Variants in MBD5 observed in about 807,000 individuals in gnomAD.
MBD5 encodes the protein methyl-CpG binding domain protein 5.
A neutral mutation model predicts 117.3 loss-of-function variants in MBD5; 13 were observed. That is an observed-to-expected ratio of 0.11 (90% CI 0.07 to 0.18). The LOEUF (loss-of-function observed/expected upper bound fraction) is 0.18, where lower values mean the gene tolerates loss of function less well. Among genes scored for constraint, MBD5 ranks in the 10% least tolerant of loss-of-function variants. MBD5 has a pLI of 1.00. For synonymous variants in MBD5, 727 were observed against 766.4 expected, an observed-to-expected ratio of 0.95 and a Z score of 0.85; for missense variants, 1,879 against 2,093.8, an observed-to-expected ratio of 0.90 and a Z score of 2.00.
intron 1 of MBD5, among the ~76,000 whole-genome samples, chr2:148,063,266 T>C (rs1000792955): frequency 8.5e-5 from 13 of 152,166 alleles, no homozygotes; most frequent in African/African-American, 3.1e-4. Context: ...TTCAGGATCT[T>C]TACTCATTTA....
Position 148,176,027 on chromosome 2 carries a change from G to T in MBD5, c.-924-2673G>T, listed in dbSNP as rs547888577. Among the ~76,000 whole-genome samples the T allele has an allele frequency of 6.6e-5, 10 of 152,212 alleles. No homozygotes were observed. The South Asian group carries it at 2.1e-3, about 32-fold the overall frequency. The stretch of plus-strand genomic sequence containing the variant: ...AAGATTAATATGATTGAATTCTTTT[G>T]TGATGTAGACTATTTGTGATTTACA... On this transcript the variant is annotated intron_variant, in intron 1 of 13. Coordinates refer to ENST00000642680, the MANE Select transcript of MBD5 (RefSeq NM_001378120.1).
chr2:148,314,803 TA>T (rs1224812043), intron 3 of MBD5, among the ~76,000 whole-genome samples: 8 of 152,314 alleles, frequency 5.3e-5, no homozygotes, highest in African/African-American at 1.9e-4. Context: ...CAACATAGCA[TA>T]ACTCTAAAGT....
intron 6 of MBD5, among the ~76,000 whole-genome samples, chr2:148,462,925 C>A (rs1185486653): frequency 6.6e-6 from 1 of 152,084 alleles, no homozygotes; most frequent in Admixed American, 6.6e-5. Context: ...ATTAAAACCA[C>A]CTTTCTACCT....
At chr2:148,268,379 C>T (rs1381984815) in intron 3 of MBD5, among the ~76,000 whole-genome samples, 1 of 151,772 alleles carries the variant, frequency 6.6e-6, no homozygotes, top group Non-Finnish European at 1.5e-5. Context: ...ACAGCATCCC[C>T]CTCTCTTTTC....
At chr2:148,204,268 G>GA (rs140952502) in intron 2 of MBD5, among the ~76,000 whole-genome samples, 1,849 of 152,092 alleles carry the variant, frequency 0.012, 32 homozygotes, top group African/African-American at 0.042. Flanking sequence ...AGACATCATG[G>GA]AAAGCACCTT....
intron 3 of MBD5, among the ~76,000 whole-genome samples, chr2:148,294,501 G>GTTTTTTTTTTTTTGTT (rs761709621): frequency 0.096 from 10,798 of 112,338 alleles, 1,177 homozygotes; most frequent in Non-Finnish European, 0.13. Flanking sequence ...TGGGATTACA[G>GTTTTTTTTTTTTTGTT]TTTTTTTTTT....
chr2:148,211,365 T>A (rs1304013402), intron 2 of MBD5, among the ~76,000 whole-genome samples: 1 of 152,196 alleles, frequency 6.6e-6, no homozygotes, highest in South Asian at 2.1e-4. Context: ...TTTATAAACA[T>A]TCCTAACTTC....
intron 4 of MBD5, among the ~76,000 whole-genome samples, chr2:148,441,299 A>G (rs541827285): frequency 6.6e-6 from 1 of 151,552 alleles, no homozygotes; most frequent in Non-Finnish European, 1.5e-5. Context: ...TGTTCCCCTT[A>G]CTGTGTCCAT....
intron 3 of MBD5, chr2:148,264,867 C>T (rs1700819045): frequency 6.6e-6 from 1 of 152,170 alleles, no homozygotes; most frequent in South Asian, 2.1e-4. Context: ...ACCTCTGCCT[C>T]ACTCTCACAA....
intron 4 of MBD5, among the ~76,000 whole-genome samples, chr2:148,350,493 G>A (rs1703224462): frequency 6.6e-6 from 1 of 151,944 alleles, no homozygotes; most frequent in African/African-American, 2.4e-5. Context: ...CAGTGATAGT[G>A]GGCAATAGTT....
rs988838126 is a variant in MBD5, at chr2:148,485,752, A to G, written c.3555A>G (p.Ser1185=). The change falls in exon 10 of 14, where the codon TCA becomes TCG. Residue 1185 remains serine, a synonymous_variant. Transcript: ENST00000642680. ...LLGTGLLGDM[S]SINNTLSNHQ... ...TTTTTCAAACTGTAGGTGATATGTC[A>G]TCAATAAACAATACTTTGAGTAACC... 48 of 1,611,228 alleles carry G rather than the reference A, an allele frequency of 3.0e-5. No individual in the cohort carries two copies. The highest frequency in any genetic ancestry group is 4.0e-5 in the Non-Finnish European group (47 of 1,177,788).
chr2:148,471,767 C>G (rs1374614665), intron 8 of MBD5: 2 of 151,944 alleles, frequency 1.3e-5, no homozygotes, highest in Admixed American at 1.3e-4. Context: ...TCTTGATATT[C>G]TTAGTTTAAA....
intron 1 of MBD5, among the ~76,000 whole-genome samples, chr2:148,139,307 G>C (rs879301710): frequency 2.0e-5 from 3 of 152,038 alleles, no homozygotes; most frequent in Non-Finnish European, 4.4e-5. Context: ...TCCGGGTTCA[G>C]GTGATTTTCC....
In MBD5 at chr2:148,395,005, G is replaced by T. The variant is rs149521990; in HGVS notation, c.-557+52669G>T. Among the ~76,000 whole-genome samples, 148 of 151,836 alleles carry T rather than the reference G, an allele frequency of 9.7e-4. 1 individual carries two copies. Among genetic ancestry groups the T allele is most frequent in the African/African-American group, 3.3e-3 (137 of 41,406 alleles). On this transcript the variant is annotated intron_variant, in intron 4 of 13. Coordinates refer to ENST00000642680, the MANE Select transcript of MBD5 (RefSeq NM_001378120.1). ...CTCCATGGCTTTGTTTTTAGTCTTT[G>T]TCTCAGTGTTGGAGCTCAGGATGTG...
chr2:148,100,801 T>C (rs965255381), intron 1 of MBD5, among the ~76,000 whole-genome samples: 1 of 152,164 alleles, frequency 6.6e-6, no homozygotes, highest in Non-Finnish European at 1.5e-5. Flanking sequence ...ACTCTTTTGG[T>C]TGGAGCAGTC....
chr2:148,420,160 A>G (rs1705556686), intron 4 of MBD5, among the ~76,000 whole-genome samples: 1 of 152,126 alleles, frequency 6.6e-6, no homozygotes, highest in Non-Finnish European at 1.5e-5. Context: ...TATACTTTTC[A>G]TGAGACTGTG....
Position 148,282,905 on chromosome 2 carries a change from C to G in MBD5, c.-680+49510C>G, listed in dbSNP as rs952499073. The stretch of plus-strand genomic sequence containing the variant: ...TGACTTTTAAGACTTAACCGCCCCC[C>G]CCCATCAGATGCAATTATTAGTTGT... On this transcript the variant is annotated intron_variant, in intron 3 of 13. Coordinates refer to ENST00000642680, the MANE Select transcript of MBD5 (RefSeq NM_001378120.1). Among the ~76,000 whole-genome samples, 9 of 145,434 alleles carry G rather than the reference C, an allele frequency of 6.2e-5. No individual in the cohort carries two copies. The South Asian group carries it at 2.1e-3, about 34-fold the overall frequency.
intron 3 of MBD5, among the ~76,000 whole-genome samples, chr2:148,278,263 T>C (rs1378746872): frequency 6.6e-6 from 1 of 152,192 alleles, no homozygotes. Context: ...TTGGCACTTA[T>C]TTGGGCTTAT....
In MBD5 at chr2:148,325,579, G is replaced by C. The variant is rs374024129; in HGVS notation, c.-679-16635G>C. Among the ~76,000 whole-genome samples the C allele has an allele frequency of 3.9e-5, 6 of 152,208 alleles. No homozygotes were observed. The South Asian group carries it at 1.2e-3, about 32-fold the overall frequency. On this transcript the variant is annotated intron_variant, in intron 3 of 13. Transcript: ENST00000642680. Reference sequence around the variant, plus strand: ...TTAGTCTTGGGAGAGTGTATGTGTCGAGGAATTTATCCATTTCTTCTAGAT... The same window carrying C: ...TTAGTCTTGGGAGAGTGTATGTGTCCAGGAATTTATCCATTTCTTCTAGAT...
Sources: allele counts gnomAD v4.1 joint callset (sites outside exome capture counted in the v4.1 genomes callset), GRCh38; gene constraint gnomAD v4.1.1; transcripts MANE v1.5; gene names NCBI Gene and HGNC (gene_info 2026-07-23, HGNC 2026-07-21).